Variants in MAML2 observed in about 807,000 individuals in gnomAD.
MAML2 encodes mastermind like transcriptional coactivator 2, also known as mastermind-like protein 2.
A neutral mutation model predicts 96.1 loss-of-function variants in MAML2; 22 were observed. The observed-to-expected ratio is 0.23, with a 90% CI of 0.16 to 0.33. The LOEUF (loss-of-function observed/expected upper bound fraction) is 0.33, where lower values mean the gene tolerates loss of function less well. Among genes scored for constraint, MAML2 ranks in the 10% least tolerant of loss-of-function variants. MAML2 has a pLI of 1.00. For missense variants in MAML2, 1,367 were observed against 1,392.4 expected, an observed-to-expected ratio of 0.98 and a Z score of 0.29; for synonymous variants, 561 against 521.3, an observed-to-expected ratio of 1.08 and a Z score of -1.04.
intron 2 of MAML2, 59 bp downstream of exon 2, chr11:96,091,833 A>G (rs1288118890): frequency 1.3e-6 from 2 of 1,558,308 alleles, no homozygotes; most frequent in Admixed American, 1.9e-5. Context: ...TAACCACAGC[A>G]TAAAGATCAA....
chr11:96,267,214 A>AT (rs1467113167), intron 1 of MAML2, among the ~76,000 whole-genome samples: 1 of 152,238 alleles, frequency 6.6e-6, no homozygotes, highest in Non-Finnish European at 1.5e-5. Flanking sequence ...ACAGAAACAC[A>AT]TTATAATGGA....
In MAML2 at chr11:95,978,962, C is replaced by T. The variant is rs779859354; in HGVS notation, c.3457G>A (p.Gly1153Arg). Residue 1153 changes from glycine (G) to arginine (R), a missense_variant, in exon 5 of 5, where the codon GGG becomes AGG. By Grantham distance (125) the Gly-to-Arg change is moderately radical. Coordinates refer to ENST00000524717, the MANE Select transcript of MAML2 (RefSeq NM_032427.4). ...MKDINLDEIL[G>R]NNS ...CCCTTTCTTCTTTAGGAATTGTTCC[C>T]CAAGATTTCATCAAGATTGATGTCT... 4.9e-5 allele frequency: 78 copies of T among 1,607,328 alleles called. No individual in the cohort carries two copies. The highest frequency in any genetic ancestry group is 5.9e-5 in the Non-Finnish European group (69 of 1,176,956).
rs527392263 is a variant in MAML2 at position 96,301,087 on chromosome 11, C to G, written c.513+40296G>C. Among the ~76,000 whole-genome samples the G allele has an allele frequency of 6.0e-4, 91 of 152,066 alleles. 2 individuals carry two copies. Among genetic ancestry groups the G allele is most frequent in the Non-Finnish European group, 2.2e-4 (15 of 68,022 alleles). On this transcript the variant is annotated intron_variant, in intron 1 of 4. Coordinates refer to ENST00000524717, the MANE Select transcript of MAML2 (RefSeq NM_032427.4). ...ACTAGCCTTATGGTTTGGATAAGTC[C>G]GTTGGTAGAAAGGATTTTAACAATC...
At chr11:96,073,367 C>T (rs532843048) in intron 2 of MAML2, among the ~76,000 whole-genome samples, 22 of 143,590 alleles carry the variant, frequency 1.5e-4, no homozygotes, top group African/African-American at 5.7e-4. Flanking sequence ...GTTGCCCAGG[C>T]TGGAGTGCAG....
intron 1 of MAML2, among the ~76,000 whole-genome samples, chr11:96,300,375 C>T (rs941333273): frequency 6.6e-6 from 1 of 152,078 alleles, no homozygotes; most frequent in African/African-American, 2.4e-5. Flanking sequence ...ACAGCTACGA[C>T]AAAACATGTT....
At chr11:96,215,260 G>A (rs1483564945) in intron 1 of MAML2, among the ~76,000 whole-genome samples, 2 of 152,200 alleles carry the variant, frequency 1.3e-5, no homozygotes, top group African/African-American at 4.8e-5. Context: ...CCCTTGAAAT[G>A]CTGGGGCAGG....
chr11:96,053,996 T>C (rs1438199975), intron 2 of MAML2, among the ~76,000 whole-genome samples: 1 of 152,024 alleles, frequency 6.6e-6, no homozygotes, highest in Non-Finnish European at 1.5e-5. Context: ...ATATATGGAG[T>C]TTGTTTTACT....
intron 1 of MAML2, among the ~76,000 whole-genome samples, chr11:96,164,244 T>C (rs1861157982): frequency 6.6e-6 from 1 of 152,184 alleles, no homozygotes; most frequent in Non-Finnish European, 1.5e-5. Context: ...CTTCTGGTTA[T>C]GGGTCAGTCT....
intron 2 of MAML2, among the ~76,000 whole-genome samples, chr11:96,055,511 T>C (rs1431128507): frequency 6.6e-6 from 1 of 152,204 alleles, no homozygotes; most frequent in Non-Finnish European, 1.5e-5. Context: ...TACAGAGCCT[T>C]TTCTCTCTAT....
chr11:96,187,097 A>G (rs1179717763), intron 1 of MAML2, among the ~76,000 whole-genome samples: 2 of 152,188 alleles, frequency 1.3e-5, no homozygotes, highest in South Asian at 2.1e-4. Context: ...AATTCCCAGT[A>G]TCTTCAGTGG....
At chr11:96,267,027 T>G (rs1862839730) in intron 1 of MAML2, among the ~76,000 whole-genome samples, 1 of 152,236 alleles carries the variant, frequency 6.6e-6, no homozygotes, top group Admixed American at 6.5e-5. Context: ...CCATGTAGCC[T>G]GCTGAGGAAC....
chr11:96,032,593 A>AC (rs1298018450), intron 2 of MAML2, among the ~76,000 whole-genome samples: 1 of 151,892 alleles, frequency 6.6e-6, no homozygotes, highest in Non-Finnish European at 1.5e-5. Flanking sequence ...TCTCAAAAAA[A>AC]AAAAAAAAAA....
intron 1 of MAML2, among the ~76,000 whole-genome samples, chr11:96,125,049 C>A (rs1199035034): frequency 6.6e-6 from 1 of 152,130 alleles, no homozygotes; most frequent in Non-Finnish European, 1.5e-5. Context: ...TTTATTATTA[C>A]CTTTTTATAA....
At chr11:95,993,085 T>A (rs1320689161) in intron 2 of MAML2, among the ~76,000 whole-genome samples, 4 of 125,388 alleles carry the variant, frequency 3.2e-5, no homozygotes, top group Non-Finnish European at 7.2e-5. Context: ...AATTTTTAAA[T>A]TTTTTTTAGA....
chr11:96,037,208 A>G (rs969849677), intron 2 of MAML2, among the ~76,000 whole-genome samples: 11 of 152,166 alleles, frequency 7.2e-5, no homozygotes, highest in Non-Finnish European at 1.6e-4. Context: ...ACAACAACAA[A>G]AAAAATAACT....
At chr11:96,072,564 A>T (rs1253953038) in intron 2 of MAML2, among the ~76,000 whole-genome samples, 2 of 152,256 alleles carry the variant, frequency 1.3e-5, no homozygotes, top group South Asian at 4.1e-4. Context: ...CATAGTTTAC[A>T]TAAAGTAAGC....
At chr11:96,117,797 G>C (rs1372477290) in intron 1 of MAML2, among the ~76,000 whole-genome samples, 1 of 152,110 alleles carries the variant, frequency 6.6e-6, no homozygotes, top group Non-Finnish European at 1.5e-5. Context: ...ACTTAATCAA[G>C]ACAATCAGAG....
intron 1 of MAML2, among the ~76,000 whole-genome samples, chr11:96,227,582 C>T (rs1862232786): frequency 6.6e-6 from 1 of 152,192 alleles, no homozygotes; most frequent in South Asian, 2.1e-4. Context: ...CATAATCTCA[C>T]TATCCAATTA....
At chr11:96,323,429 T>A (rs1316161340) in intron 1 of MAML2, among the ~76,000 whole-genome samples, 1 of 151,658 alleles carries the variant, frequency 6.6e-6, no homozygotes, top group Non-Finnish European at 1.5e-5. Context: ...AACGATCTGG[T>A]TGCAGGTTGG....
Sources: allele counts gnomAD v4.1 joint callset (sites outside exome capture counted in the v4.1 genomes callset), GRCh38; gene constraint gnomAD v4.1.1; transcripts MANE v1.5; gene names NCBI Gene and HGNC (gene_info 2026-07-23, HGNC 2026-07-21).